Variants in FTSJ3 observed in about 807,000 individuals in gnomAD.
FTSJ3 encodes FtsJ RNA 2'-O-methyltransferase 3.
A neutral mutation model predicts 111.5 loss-of-function variants in FTSJ3; 46 were observed. The ratio of observed to expected loss-of-function variants is 0.41; its 90% CI spans 0.33 to 0.53. The LOEUF is 0.53. Ranked by LOEUF, FTSJ3 falls within the 20% of genes least tolerant of loss-of-function variation. The probability of loss-of-function intolerance (pLI) is 0.19; values close to 1 mark genes in which losing one functional copy is unlikely to be tolerated. For missense variants in FTSJ3, 1,075 were observed against 1,063.8 expected (o/e 1.01, Z -0.15); for synonymous variants, 408 against 383.0 (o/e 1.07, Z -0.76).
At position 63,827,595 on chromosome 17, in the gene FTSJ3, G is replaced by A; in HGVS notation, c.-570C>T. 6.4e-7 allele frequency: 1 copy of A among 1,550,482 alleles called. No individual in the cohort carries two copies. Among genetic ancestry groups the A allele is most frequent in the Non-Finnish European group, 8.7e-7 (1 of 1,146,476 alleles). ...GTGATCTGAGTGGAGAGCGGGCCGGGGCAGGAGCGTCGGGTGGGTCGGAGG... is the reference window on the plus strand; with the variant it reads ...GTGATCTGAGTGGAGAGCGGGCCGGAGCAGGAGCGTCGGGTGGGTCGGAGG... On this transcript the variant is annotated 5_prime_UTR_variant, in exon 1 of 21. Transcript: ENST00000427159.
chr17:63,820,208 T>TCCCCCCCCCCCCCCCCCCCCCCCC, intron 19 of FTSJ3, 35 bp from the exon 20 acceptor site: 3 of 694,922 alleles, frequency 4.3e-6, no homozygotes, highest in Non-Finnish European at 6.6e-6. Flanking sequence ...CTCTTCCCCA[T>TCCCCCCCCCCCCCCCCCCCCCCCC]CCCCCCACCC....
rs770162644 is a variant in FTSJ3, at chr17:63,824,366, C to T, written c.963G>A (p.Lys321=). 1.2e-6 allele frequency: 2 copies of T among 1,614,108 alleles called. No individual in the cohort carries two copies. Among genetic ancestry groups the T allele is most frequent in the South Asian group, 2.2e-5 (2 of 91,090 alleles). ...WRTKLRRYVA[K]KLKEQAKALD... ...GTGCCTTTGCTTGTTCTTTCAGCTT[C>T]TTGGCCACATATCGCCGAAGTTTTG... Residue 321 remains lysine, a synonymous_variant, in exon 11 of 21, where the codon AAG becomes AAA. Transcript: ENST00000427159.
At chr17:63,825,939 G>C (rs2040096287) in intron 5 of FTSJ3, 117 bp downstream of exon 5, 3 of 812,598 alleles carry the variant, frequency 3.7e-6, no homozygotes, top group Non-Finnish European at 6.1e-6. Flanking sequence ...TTGTCGTACA[G>C]ATGTCAGGCA....
chr17:63,826,986 AGTTTCCCACTTCCAGT>A, intron 1 of FTSJ3, 50 bp downstream of exon 1: 1 of 172,902 alleles, frequency 5.8e-6, no homozygotes, highest in East Asian at 1.4e-4. Flanking sequence ...TTCCACTTCC[AGTTTCCCACTTCCAGT>A]TTCCCACTTC....
Position 63,819,509 on chromosome 17 carries a change from C to G in FTSJ3, c.*293G>C, listed in dbSNP as rs1297754734. 8.6e-6 allele frequency: 3 copies of G among 350,400 alleles called. No homozygotes were observed. Among genetic ancestry groups the G allele is most frequent in the South Asian group, 6.1e-5 (1 of 16,298 alleles). The allele number at this position is 350,400 out of a possible 1,614,324, so 21.7% of individuals were successfully genotyped here. On this transcript the variant is annotated 3_prime_UTR_variant, in exon 21 of 21. Transcript: ENST00000427159. ...AGTGGCCCACACGTCCAGGTGTAGA[C>G]TGACTACATTGAGTATCGCTCCAAC...
At position 63,824,935 on chromosome 17, in the gene FTSJ3, G is replaced by C. The variant is rs932801775; in HGVS notation, c.712-6C>G. 6.3e-7 allele frequency: 1 copy of C among 1,578,128 alleles called. No individual in the cohort carries two copies. The highest frequency in any genetic ancestry group is 1.4e-5 in the African/African-American group (1 of 73,750). ...CCCTCAGCATAGCCTTCAGCCTTAG[G>C]AAGGAAAAGAGAGAAGCTTGGTCAG... is the stretch of plus-strand genomic sequence containing the variant. On this transcript the variant is annotated splice_region_variant and splice_polypyrimidine_tract_variant and intron_variant, in intron 8 of 20. Coordinates refer to ENST00000427159, the MANE Select transcript of FTSJ3 (RefSeq NM_017647.4).
chr17:63,820,048 C>T (rs925094316), intron 20 of FTSJ3, 31 bp downstream of exon 20: 1 of 1,613,992 alleles, frequency 6.2e-7, no homozygotes, highest in South Asian at 1.1e-5. Flanking sequence ...CACTTTTAGC[C>T]CTGTGTACCT....
In FTSJ3 at chr17:63,819,684, T is replaced by C. The variant is rs2040027365; in HGVS notation, c.*118A>G. The C allele has an allele frequency of 8.3e-6, 8 of 965,428 alleles. No individual in the cohort carries two copies. The Admixed American group carries it at 1.5e-4, about 18-fold the overall frequency. 59.8% of individuals were successfully genotyped at this position (965,428 alleles called of 1,614,324 possible). Reference sequence around the variant, plus strand: ...GAGTTCTAGGCACTCCACCTCACTGTTCTTCAGACAGCTGTGATGTGAGCA... The same window carrying C: ...GAGTTCTAGGCACTCCACCTCACTGCTCTTCAGACAGCTGTGATGTGAGCA... On this transcript the variant is annotated 3_prime_UTR_variant, in exon 21 of 21. Transcript: ENST00000427159.
At chr17:63,826,984 CCAGTTTCCCACTTCCA>C (rs1219197779) in intron 1 of FTSJ3, 52 bp downstream of exon 1, 1 of 179,230 alleles carries the variant, frequency 5.6e-6, no homozygotes, top group East Asian at 1.4e-4. Context: ...GATTCCACTT[CCAGTTTCCCACTTCCA>C]GTTTCCCACT....
At chr17:63,826,754 GAGGT>G in intron 2 of FTSJ3, 78 bp downstream of exon 2, 2 of 1,553,124 alleles carry the variant, frequency 1.3e-6, no homozygotes, top group South Asian at 2.2e-5. Context: ...TTCTGCAGGA[GAGGT>G]ACATAATGGT....
At chr17:63,825,932 T>A (rs1567754528) in intron 5 of FTSJ3, 124 bp downstream of exon 5, 3 of 779,124 alleles carry the variant, frequency 3.9e-6, no homozygotes, top group Non-Finnish European at 4.3e-6. Flanking sequence ...ATAGGTCTTG[T>A]CGTACAGATG....
intron 13 of FTSJ3, 63 bp downstream of exon 13, chr17:63,823,754 C>G: frequency 6.4e-6 from 10 of 1,565,822 alleles, no homozygotes; most frequent in Non-Finnish European, 8.7e-6. Flanking sequence ...CAACACCCCC[C>G]ACCTCCAAAC....
In FTSJ3 at chr17:63,820,064, G is replaced by C; in HGVS notation, c.2351+15C>G. The C allele has an allele frequency of 6.2e-7, 1 of 1,613,968 alleles. No homozygotes were observed. The highest frequency in any genetic ancestry group is 2.2e-5 in the East Asian group (1 of 44,872). ...ACTTTTAGCCCTGTGTACCTTTGTG[G>C]TGTCCTCCCATTACCTTCGCAGCTG... On this transcript the variant is annotated intron_variant, in intron 20 of 20. Coordinates refer to ENST00000427159, the MANE Select transcript of FTSJ3 (RefSeq NM_017647.4).
chr17:63,822,259 C>CGT, intron 13 of FTSJ3, 91 bp from the exon 14 acceptor site: 2 of 1,092,332 alleles, frequency 1.8e-6, no homozygotes, highest in South Asian at 3.0e-5. Context: ...TGCTCAGCAA[C>CGT]ACTAGAAAGA....
intron 10 of FTSJ3, 38 bp from the exon 11 acceptor site, chr17:63,824,449 C>T (rs1047244060): frequency 1.2e-6 from 2 of 1,603,300 alleles, no homozygotes; most frequent in Non-Finnish European, 1.7e-6. Context: ...TGCCATCTCC[C>T]TCTTTGTCCC....
chr17:63,826,797 T>C (rs766175899), intron 2 of FTSJ3, 39 bp downstream of exon 2: 1 of 1,596,298 alleles, frequency 6.3e-7, no homozygotes, highest in Non-Finnish European at 8.6e-7. Context: ...CGGGCAGAGA[T>C]CGCTCGCTCG....
At position 63,827,050 on chromosome 17, in the gene FTSJ3, A is replaced by G; in HGVS notation, c.-27+2T>C. 1.3e-6 allele frequency: 1 copy of G among 742,714 alleles called. No individual in the cohort carries two copies. The highest frequency in any genetic ancestry group is 2.6e-5 in the East Asian group (1 of 38,788). The allele number at this position is 742,714 out of a possible 1,614,324, so 46.0% of individuals were successfully genotyped here. On this transcript the variant is annotated splice_donor_variant, in intron 1 of 20. Coordinates refer to ENST00000427159, the MANE Select transcript of FTSJ3 (RefSeq NM_017647.4). LOFTEE classifies it low-confidence loss of function (5UTR_SPLICE). ...CACCCCGCGCCCCTCTCCGCACACT[A>G]CCTAGACCCAGAGCCGCTTTCTCCA...
intron 5 of FTSJ3, 102 bp from the exon 6 acceptor site, chr17:63,825,737 A>C: frequency 2.1e-6 from 2 of 949,672 alleles, no homozygotes; most frequent in Non-Finnish European, 3.3e-6. Flanking sequence ...CATGGGCCAA[A>C]TGCAGTACCA....
At chr17:63,826,029 G>A (rs1333163762) in intron 5 of FTSJ3, 27 bp downstream of exon 5, 1 of 1,551,894 alleles carries the variant, frequency 6.4e-7, no homozygotes, top group Non-Finnish European at 8.8e-7. Context: ...CGTATAAAGG[G>A]GGAAGGAAGA....
Sources: gnomAD v4.1 joint callset for allele counts on GRCh38, gnomAD v4.1.1 for gene constraint, MANE v1.5 for transcripts, NCBI Gene and HGNC (gene_info 2026-07-23, HGNC 2026-07-21) for gene names.